Variants in MTRR observed in about 807,000 individuals in gnomAD.
MTRR encodes 5-methyltetrahydrofolate-homocysteine methyltransferase reductase.
In MTRR, 63 loss-of-function variants were observed where a neutral mutation model predicts 79.2. The observed-to-expected ratio is 0.80, with a 90% CI of 0.65 to 0.98. The LOEUF is 0.98. Ranked by LOEUF, MTRR falls within the 50% of genes least tolerant of loss-of-function variation. The pLI is 0.00. For synonymous variants in MTRR, 355 were observed against 313.3 expected, an observed-to-expected ratio of 1.13 and a Z score of -1.41; for missense variants, 895 against 839.6, an observed-to-expected ratio of 1.07 and a Z score of -0.82.
rs142443706 is a variant in MTRR at position 7,900,993 on chromosome 5, T to G, written c.*935T>G. The G allele has an allele frequency of 5.3e-5, 8 of 152,316 alleles. No individual in the cohort carries two copies. The East Asian group carries it at 1.5e-3, about 29-fold the overall frequency. The allele number at this position is 152,316 out of a possible 1,614,324, so 9.4% of individuals were successfully genotyped here. On this transcript the variant is annotated 3_prime_UTR_variant, in exon 15 of 15. Transcript: ENST00000440940. ...TTTGCACAAACAAAACAAAATGTTA[T>G]GATAATCTTTCTCCACTGTTCTAAT... is the stretch of plus-strand genomic sequence containing the variant.
chr5:7,868,858 C>G (rs1747289219), upstream of MTRR: 1 of 544,892 alleles, frequency 1.8e-6, no homozygotes, highest in African/African-American at 1.9e-5. Context: ...CACCCCCAAA[C>G]TCGGCGCCCC....
In MTRR at chr5:7,897,168, G is replaced by A. The variant is rs201802094; in HGVS notation, c.1873G>A (p.Val625Met). The A allele has an allele frequency of 8.1e-6, 13 of 1,614,040 alleles. No homozygotes were observed. Among genetic ancestry groups the A allele is most frequent in the Non-Finnish European group, 1.1e-5 (13 of 1,180,046 alleles). Residue 625 changes from valine to methionine, a missense_variant, in exon 14 of 15, where the codon GTG becomes ATG. Transcript: ENST00000440940. ...VGEEEAPAKYVQDNIQLHGQQ... is the reference protein window; with the variant it reads ...VGEEEAPAKYMQDNIQLHGQQ... Reference sequence around the variant, plus strand: ...GGAGGAGGAAGCCCCAGCAAAGTATGTGCAAGACAACATCCAGCTTCATGG... The same window carrying A: ...GGAGGAGGAAGCCCCAGCAAAGTATATGCAAGACAACATCCAGCTTCATGG...
At chr5:7,858,178 A>T (rs1746308751) in intron 1 of MTRR, among the ~76,000 whole-genome samples, 1 of 152,146 alleles carries the variant, frequency 6.6e-6, no homozygotes, top group East Asian at 1.9e-4. Flanking sequence ...TGAGTTCACT[A>T]AAAAGGCAGA....
chr5:7,861,736 G>T, intron 1 of MTRR: 2 of 1,533,674 alleles, frequency 1.3e-6, no homozygotes, highest in South Asian at 1.2e-5. Flanking sequence ...GCTTTGCTTT[G>T]ATTCCTTCCA....
At chr5:7,870,001 T>G (rs1040810981) in intron 1 of MTRR, 2 of 985,150 alleles carry the variant, frequency 2.0e-6, no homozygotes, top group Non-Finnish European at 2.4e-6. Flanking sequence ...TAAATCTGTC[T>G]CTGCAAATTG....
intron 6 of MTRR, among the ~76,000 whole-genome samples, chr5:7,883,913 C>T (rs1735996389): frequency 6.6e-6 from 1 of 152,194 alleles, no homozygotes; most frequent in African/African-American, 2.4e-5. Context: ...AGGTGGCTCT[C>T]GCCTATAATC....
intron 5 of MTRR, 98 bp downstream of exon 5, chr5:7,878,420 C>G: frequency 6.7e-7 from 1 of 1,481,812 alleles, no homozygotes; most frequent in Admixed American, 1.7e-5. Flanking sequence ...GGTCAACAAA[C>G]TATGGCTTAC....
At chr5:7,859,195 C>T (rs185791643) in intron 1 of MTRR, 196 of 281,722 alleles carry the variant, frequency 7.0e-4, no homozygotes, top group African/African-American at 3.8e-3. Context: ...AATTCCTTTA[C>T]AGCACATGAT....
At chr5:7,888,485 G>C (rs1038898888) in intron 8 of MTRR, among the ~76,000 whole-genome samples, 3 of 152,178 alleles carry the variant, frequency 2.0e-5, no homozygotes, top group African/African-American at 7.2e-5. Flanking sequence ...AGTGTTTCCT[G>C]AGTCGTTGTT....
intron 2 of MTRR, chr5:7,872,224 T>C (rs1160199334): frequency 8.8e-6 from 4 of 454,782 alleles, no homozygotes; most frequent in Non-Finnish European, 1.8e-5. Flanking sequence ...TTACCTCTTT[T>C]ATCAGTGTGA....
chr5:7,875,527 C>T (rs1748726133), intron 4 of MTRR, 152 bp downstream of exon 4: 1 of 768,640 alleles, frequency 1.3e-6, no homozygotes, highest in Non-Finnish European at 2.3e-6. Context: ...AGAGGGTCAG[C>T]CAGAGATTGA....
intron 7 of MTRR, 87 bp from the exon 8 acceptor site, chr5:7,886,528 A>T: frequency 9.8e-7 from 1 of 1,023,466 alleles, no homozygotes; most frequent in Non-Finnish European, 1.6e-6. Flanking sequence ...GTAAAGTACT[A>T]CAGTAATTGT....
intron 8 of MTRR, 33 bp downstream of exon 8, chr5:7,886,736 T>G: frequency 2.0e-6 from 3 of 1,499,866 alleles, no homozygotes; most frequent in Non-Finnish European, 2.8e-6. Context: ...GGTAACTATT[T>G]TAAAATATGC....
rs1479440403 is a variant in MTRR, at chr5:7,880,533, C to T, written c.780+2211C>T. On this transcript the variant is annotated intron_variant, in intron 5 of 14. Transcript: ENST00000440940. ...TCCCCCAGGATTTATGTGGTTTTTGCAGTGGTCAAACTGGTGAATTAAATG... is the reference window on the plus strand; with the variant it reads ...TCCCCCAGGATTTATGTGGTTTTTGTAGTGGTCAAACTGGTGAATTAAATG... 2.0e-5 allele frequency among the ~76,000 whole-genome samples: 3 copies of T among 152,172 alleles called. No homozygotes were observed. In the East Asian group the frequency reaches 5.8e-4, roughly 29 times the overall value.
chr5:7,894,117 C>T (rs967150337), intron 11 of MTRR, among the ~76,000 whole-genome samples: 4 of 152,160 alleles, frequency 2.6e-5, no homozygotes, highest in African/African-American at 9.7e-5. Flanking sequence ...TCCCTCTCTT[C>T]GTCCTTCCTT....
chr5:7,897,731 C>G (rs1402966649), intron 14 of MTRR, among the ~76,000 whole-genome samples: 2 of 152,136 alleles, frequency 1.3e-5, no homozygotes, highest in African/African-American at 4.8e-5. Flanking sequence ...TGAATTTGAT[C>G]TACTTTCTGA....
At chr5:7,868,279 A>G, upstream of MTRR, 6 of 523,676 alleles carry the variant, frequency 1.1e-5, no homozygotes, top group South Asian at 1.9e-4. Context: ...TAGAGTTAGA[A>G]GAGTGGCTGA....
At chr5:7,856,118 C>T (rs958390482) in intron 1 of MTRR, among the ~76,000 whole-genome samples, 1 of 152,098 alleles carries the variant, frequency 6.6e-6, no homozygotes, top group Non-Finnish European at 1.5e-5. Flanking sequence ...GTAACCCTGA[C>T]CTAAGAAGCC....
intron 5 of MTRR, among the ~76,000 whole-genome samples, chr5:7,879,779 G>C (rs1051771398): frequency 1.3e-5 from 2 of 152,182 alleles, no homozygotes; most frequent in African/African-American, 4.8e-5. Flanking sequence ...GTACCTTTCT[G>C]CCATGTGGAA....
Sources: allele counts gnomAD v4.1 joint callset (sites outside exome capture counted in the v4.1 genomes callset), GRCh38; gene constraint gnomAD v4.1.1; transcripts MANE v1.5; gene names NCBI Gene and HGNC (gene_info 2026-07-23, HGNC 2026-07-21).